Variants in BRD4 observed in about 807,000 individuals in gnomAD.
BRD4 encodes bromodomain-containing protein 4.
BRD4 carries 16 observed loss-of-function variants against 142.1 expected under a neutral mutation model. The observed-to-expected ratio is 0.11, with a 90% confidence interval of 0.08 to 0.17. The LOEUF (loss-of-function observed/expected upper bound fraction) is 0.17. Among genes scored for constraint, BRD4 ranks in the 10% least tolerant of loss-of-function variants. The pLI is 1.00. For missense variants in BRD4, 1,424 were observed against 1,810.9 expected, an observed-to-expected ratio of 0.79 and a Z score of 3.88; for synonymous variants, 833 against 707.5, an observed-to-expected ratio of 1.18 and a Z score of -2.82.
intron 1 of BRD4, among the ~76,000 whole-genome samples, chr19:15,306,580 C>T (rs1211328714): frequency 6.6e-6 from 1 of 152,152 alleles, no homozygotes; most frequent in Non-Finnish European, 1.5e-5. Flanking sequence ...CCATTTTTAG[C>T]TTCTGACTTG....
chr19:15,316,155 CAA>C (rs980486654), intron 1 of BRD4, among the ~76,000 whole-genome samples: 4 of 33,060 alleles, frequency 1.2e-4, no homozygotes, highest in African/African-American at 3.5e-4. Flanking sequence ...GACACCGTCT[CAA>C]AAAAAAAAAA....
intron 11 of BRD4, chr19:15,248,342 G>A (rs11673209): frequency 0.18 from 39,754 of 215,698 alleles, 3,896 homozygotes; most frequent in African/African-American, 0.24. Flanking sequence ...GTTAACACCA[G>A]TCAGAGGTGT....
At chr19:15,292,302 ACACT>A (rs2047787838) in intron 1 of BRD4, among the ~76,000 whole-genome samples, 1 of 152,184 alleles carries the variant, frequency 6.6e-6, no homozygotes, top group African/African-American at 2.4e-5. Flanking sequence ...TGCCTTCATG[ACACT>A]CAATTACGGC....
chr19:15,265,256 G>T, intron 5 of BRD4, 98 bp downstream of exon 5: 1 of 1,213,528 alleles, frequency 8.2e-7, no homozygotes, highest in Non-Finnish European at 1.1e-6. Context: ...ACACCCACCA[G>T]TGCCCGGGAC....
rs201620037 is a variant in BRD4 at position 15,237,631 on chromosome 19, G to T, written c.*746C>A. 10 of 185,586 alleles carry T rather than the reference G, an allele frequency of 5.4e-5. No individual in the cohort carries two copies. The highest frequency in any genetic ancestry group is 8.7e-5 in the Non-Finnish European group (8 of 91,908). The allele number at this position is 185,586 out of a possible 1,614,324, so 11.5% of individuals were successfully genotyped here. On this transcript the variant is annotated 3_prime_UTR_variant, in exon 20 of 20. Coordinates refer to ENST00000679869, the MANE Select transcript of BRD4 (RefSeq NM_001379291.1). ...ACAAAAAATATATATAGAAAAAAAA[G>T]AAAAAAAAAAACGAAACAGAAACAC...
chr19:15,308,115 C>CAAAAAAAAAAAAAAA (rs57642262), intron 1 of BRD4, among the ~76,000 whole-genome samples: 3 of 21,182 alleles, frequency 1.4e-4, no homozygotes, highest in African/African-American at 5.6e-4. Flanking sequence ...GACTCCGTCT[C>CAAAAAAAAAAAAAAA]AAAAAAAAAA....
chr19:15,310,859 T>TACC (rs2047964247), intron 1 of BRD4, among the ~76,000 whole-genome samples: 2 of 152,230 alleles, frequency 1.3e-5, no homozygotes, highest in South Asian at 4.2e-4. Context: ...CCATCTCCCG[T>TACC]ACCTTTGTGC....
rs938350209 is a variant in BRD4, at chr19:15,298,566, A to C, written c.-34-25433T>G. Among the ~76,000 whole-genome samples, 67 of 128,194 alleles carry C rather than the reference A, an allele frequency of 5.2e-4. 1 individual carries two copies. The highest frequency in any genetic ancestry group is 2.7e-4 in the Non-Finnish European group (17 of 63,094). 84.1% of individuals were successfully genotyped at this position (128,194 alleles called of 152,430 possible). On this transcript the variant is annotated intron_variant, in intron 1 of 19. Transcript: ENST00000679869. The stretch of plus-strand genomic sequence containing the variant: ...AACCCGGGGGGCAGCGGTTGCAGTG[A>C]GCAGAGATTGCATCACTGCACTCCA...
At chr19:15,280,553 T>C (rs1375945021) in intron 1 of BRD4, 11 of 645,322 alleles carry the variant, frequency 1.7e-5, no homozygotes, top group African/African-American at 2.0e-5. Context: ...ATCTAAAACA[T>C]ACCACTGTGC....
chr19:15,253,652 G>A (rs2047372982), intron 11 of BRD4: 4 of 1,597,806 alleles, frequency 2.5e-6, no homozygotes, highest in Non-Finnish European at 2.5e-6. Context: ...GACTGGCGAT[G>A]CGGCTGGCCA....
At chr19:15,281,886 C>T (rs554165022) in intron 1 of BRD4, among the ~76,000 whole-genome samples, 5 of 152,244 alleles carry the variant, frequency 3.3e-5, no homozygotes, top group Admixed American at 6.5e-5. Flanking sequence ...GGCATGGCGG[C>T]GTGCACCTGT....
chr19:15,244,684 T>TG, intron 12 of BRD4, 26 bp downstream of exon 12: 1 of 1,614,052 alleles, frequency 6.2e-7, no homozygotes, highest in Non-Finnish European at 8.5e-7. Flanking sequence ...TCCCACCTAA[T>TG]GAAGGATGCC....
intron 1 of BRD4, among the ~76,000 whole-genome samples, chr19:15,298,019 A>G (rs2047837873): frequency 6.6e-6 from 1 of 152,250 alleles, no homozygotes; most frequent in Admixed American, 6.5e-5. Context: ...GAGAGCCACT[A>G]TGAGGCACAA....
intron 2 of BRD4, among the ~76,000 whole-genome samples, chr19:15,271,070 T>C (rs538371644): frequency 1.3e-5 from 2 of 152,288 alleles, no homozygotes; most frequent in Non-Finnish European, 2.9e-5. Flanking sequence ...CCAAACCCCA[T>C]GGCCTAACCA....
At position 15,269,045 on chromosome 19, in the gene BRD4, G is replaced by A. The variant is rs183539578; in HGVS notation, c.286-3C>T. On this transcript the variant is annotated splice_region_variant and splice_polypyrimidine_tract_variant and intron_variant, in intron 2 of 19. Coordinates refer to ENST00000679869, the MANE Select transcript of BRD4 (RefSeq NM_001379291.1). ...GTTTTAATGATCTTATAGTAATCCT[G>A]GAGAGCAGAGAGCAAAAGTCCAGTG... The A allele has an allele frequency of 2.5e-6, 4 of 1,613,820 alleles. No homozygotes were observed. Among genetic ancestry groups the A allele is most frequent in the Admixed American group, 1.7e-5 (1 of 59,970 alleles).
At chr19:15,296,421 A>G (rs908540265) in intron 1 of BRD4, among the ~76,000 whole-genome samples, 2 of 152,168 alleles carry the variant, frequency 1.3e-5, no homozygotes, top group African/African-American at 4.8e-5. Flanking sequence ...TTCCAAGTGC[A>G]TATTGGCATG....
rs2047209524 is a variant in BRD4 at position 15,238,241 on chromosome 19, C to T, written c.*136G>A. 7 of 1,425,916 alleles carry T rather than the reference C, an allele frequency of 4.9e-6. No homozygotes were observed. The highest frequency in any genetic ancestry group is 6.6e-6 in the Non-Finnish European group (7 of 1,053,354). The allele number at this position is 1,425,916 out of a possible 1,614,324, so 88.3% of individuals were successfully genotyped here. On this transcript the variant is annotated 3_prime_UTR_variant, in exon 20 of 20. Coordinates refer to ENST00000679869, the MANE Select transcript of BRD4 (RefSeq NM_001379291.1). This position sits in a 1 kb window ranked among gnomAD's most constrained non-coding sequence, Gnocchi z 7.2. ...AATCCTCAGCTGCCCGTCAGGCCTG[C>T]CCCGGGCATAGCATGCAGGAGGGCC... is the stretch of plus-strand genomic sequence containing the variant.
In BRD4 at chr19:15,244,378, G is replaced by C; in HGVS notation, c.2434C>G (p.Leu812Val). 1.2e-6 allele frequency: 2 copies of C among 1,605,496 alleles called. No individual in the cohort carries two copies. Among genetic ancestry groups the C allele is most frequent in the Non-Finnish European group, 1.7e-6 (2 of 1,177,692 alleles). Residue 812 changes from leucine to valine, a missense_variant, in exon 13 of 20, where the codon CTC becomes GTC. By Grantham distance (32) the Leu-to-Val change is conservative (BLOSUM62 1). Transcript: ENST00000679869. Reference protein sequence around the residue: ...ATQVPVLEPQLPGSVFDPIGH... With the variant: ...ATQVPVLEPQVPGSVFDPIGH... ...ATGGGGTCAAAGACGCTGCCTGGGA[G>C]CTGGGGCTCCAGGACGGGCACCTGG...
intron 7 of BRD4, among the ~76,000 whole-genome samples, chr19:15,257,563 C>CG (rs767728334): frequency 4.6e-5 from 7 of 152,048 alleles, no homozygotes; most frequent in Non-Finnish European, 8.8e-5. Flanking sequence ...CAGATGCGTG[C>CG]GGGGGAGCAG....
Sources: gnomAD v4.1 joint callset for allele counts (sites outside exome capture counted in the v4.1 genomes callset) on GRCh38, gnomAD v4.1.1 for gene constraint, Gnocchi (gnomAD v3.1) non-coding constraint, MANE v1.5 for transcripts, NCBI Gene and HGNC (gene_info 2026-07-23, HGNC 2026-07-21) for gene names.